The following ANK1 variants were observed in gnomAD, a reference collection of about 807,000 sequenced individuals.
ANK1 encodes ankyrin 1.
Under a neutral mutation model 210.4 loss-of-function variants are expected in ANK1, and 51 were observed. The observed-to-expected ratio is 0.24, with a 90% CI of 0.19 to 0.31. ANK1 has a LOEUF of 0.31. Ranked by LOEUF, ANK1 falls within the 10% of genes least tolerant of loss-of-function variation. The pLI, the probability that ANK1 is intolerant of heterozygous loss-of-function variation, is 1.00. For missense variants in ANK1, 2,051 were observed against 2,504.4 expected (o/e 0.82, Z 3.86); for synonymous variants, 967 against 1,025.9 (o/e 0.94, Z 1.10).
intron 37 of ANK1, among the ~76,000 whole-genome samples, chr8:41,673,571 C>G (rs925893919): frequency 1.3e-5 from 2 of 152,172 alleles, no homozygotes; most frequent in Non-Finnish European, 2.9e-5. Context: ...TAAAGTGCTA[C>G]AGGGGAGGGC....
chr8:41,886,863 T>G (rs574768016), intron 1 of ANK1, among the ~76,000 whole-genome samples: 1 of 152,342 alleles, frequency 6.6e-6, no homozygotes, highest in Non-Finnish European at 1.5e-5. Context: ...TGTCAGGATC[T>G]GATTTGCATT....
At chr8:41,717,767 C>T in intron 11 of ANK1, 65 bp from the exon 12 acceptor site, 2 of 1,336,602 alleles carry the variant, frequency 1.5e-6, no homozygotes, top group Non-Finnish European at 2.1e-6. Context: ...GAAGAGAGAA[C>T]CTGACAGTAT....
intron 1 of ANK1, among the ~76,000 whole-genome samples, chr8:41,894,125 A>G (rs1819976453): frequency 6.6e-6 from 1 of 152,114 alleles, no homozygotes. Context: ...CAAAATACGA[A>G]CAAAGCATCC....
chr8:41,880,249 C>T (rs558246869), intron 1 of ANK1, among the ~76,000 whole-genome samples: 1 of 152,190 alleles, frequency 6.6e-6, no homozygotes. Flanking sequence ...GTTGCTTTCA[C>T]GCTCCGCCGG....
At chr8:41,822,090 G>A (rs5017382) in intron 1 of ANK1, among the ~76,000 whole-genome samples, 46,641 of 94,698 alleles carry the variant, frequency 0.49, 10,046 homozygotes, top group South Asian at 0.54. Context: ...GAGAGAGAGA[G>A]AGAGAGAGAG....
Position 41,688,563 on chromosome 8 carries a change from CCTT to C in ANK1, c.4128_4130del (p.Arg1377del), listed in dbSNP as rs754402067. The C allele has an allele frequency of 3.5e-5, 57 of 1,614,038 alleles. No individual in the cohort carries two copies. The highest frequency in any genetic ancestry group is 1.6e-4 in the Middle Eastern group (1 of 6,084). On this transcript the variant is annotated inframe_deletion, in exon 34 of 43. Transcript: ENST00000289734. ...ATCGCAGGGCCAGGGGCGTCGGGGT[CCTT>C]CTCCTATCTTCGGCTCCACTTCCCT... is the stretch of plus-strand genomic sequence containing the variant.
chr8:41,835,959 G>A (rs1176593636), intron 1 of ANK1, among the ~76,000 whole-genome samples: 3 of 152,224 alleles, frequency 2.0e-5, no homozygotes, highest in Non-Finnish European at 4.4e-5. Flanking sequence ...GGAGGGGAGA[G>A]GGCAGGGGGA....
At chr8:41,723,057 T>G (rs1563564315) in intron 9 of ANK1, 68 bp downstream of exon 9, 1 of 1,387,132 alleles carries the variant, frequency 7.2e-7, no homozygotes, top group Admixed American at 1.7e-5. Flanking sequence ...GAAATAGGAT[T>G]TGATGCCAGG....
intron 22 of ANK1, among the ~76,000 whole-genome samples, chr8:41,700,250 G>T (rs1261774008): frequency 6.6e-6 from 1 of 152,246 alleles, no homozygotes; most frequent in African/African-American, 2.4e-5. Context: ...CAGGCAGGAG[G>T]TGCCCGCCAG....
intron 1 of ANK1, among the ~76,000 whole-genome samples, chr8:41,783,531 C>A (rs556037696): frequency 2.6e-5 from 4 of 152,216 alleles, no homozygotes; most frequent in South Asian, 4.2e-4. Flanking sequence ...GCAGAAAGAC[C>A]CTTTTCCTCA....
rs189702480 is a variant in ANK1 at position 41,770,355 on chromosome 8, T to C, written c.28-12218A>G. Among the ~76,000 whole-genome samples, 21 of 152,350 alleles carry C rather than the reference T, an allele frequency of 1.4e-4. No homozygotes were observed. The East Asian group carries it at 3.3e-3, about 24-fold the overall frequency. On this transcript the variant is annotated intron_variant, in intron 1 of 42. Transcript: ENST00000289734. Reference sequence around the variant, plus strand: ...TTAAGTTGGAATGTTTGTTTTCTTATTGAGTTTTGAGAGTTCTATCTATAC... The same window carrying C: ...TTAAGTTGGAATGTTTGTTTTCTTACTGAGTTTTGAGAGTTCTATCTATAC...
chr8:41,737,360 A>C (rs1419327051), intron 2 of ANK1, among the ~76,000 whole-genome samples: 3 of 152,230 alleles, frequency 2.0e-5, no homozygotes, highest in African/African-American at 7.2e-5. Flanking sequence ...TGATGAAAGC[A>C]TATCTTCCCT....
intron 1 of ANK1, among the ~76,000 whole-genome samples, chr8:41,827,861 A>G (rs1805735295): frequency 7.0e-6 from 1 of 142,684 alleles, no homozygotes; most frequent in South Asian, 2.3e-4. Context: ...ACATACACCC[A>G]CTCACACACC....
intron 2 of ANK1, among the ~76,000 whole-genome samples, chr8:41,736,327 C>T (rs1477980799): frequency 1.3e-5 from 2 of 152,252 alleles, no homozygotes; most frequent in East Asian, 3.8e-4. Context: ...TCTTGCAACT[C>T]TTTTCTGGAT....
intron 12 of ANK1, 91 bp downstream of exon 12, chr8:41,717,513 T>A (rs977368041): frequency 8.3e-7 from 1 of 1,198,990 alleles, no homozygotes; most frequent in African/African-American, 1.5e-5. Context: ...CGTAGCTCTG[T>A]CCCCAGAGAG....
intron 1 of ANK1, among the ~76,000 whole-genome samples, chr8:41,868,550 T>C (rs566112719): frequency 6.6e-6 from 1 of 152,368 alleles, no homozygotes; most frequent in East Asian, 1.9e-4. Flanking sequence ...GTTCACGGCA[T>C]TTATTCTCAT....
chr8:41,858,456 C>G (rs942665584), intron 1 of ANK1, among the ~76,000 whole-genome samples: 1 of 152,192 alleles, frequency 6.6e-6, no homozygotes, highest in Admixed American at 6.5e-5. Flanking sequence ...ATGGGAAACA[C>G]TGGGGGAGGC....
intron 1 of ANK1, among the ~76,000 whole-genome samples, chr8:41,881,237 G>A (rs1021004393): frequency 2.0e-5 from 3 of 152,208 alleles, no homozygotes; most frequent in African/African-American, 7.2e-5. Context: ...TGTTCTACAT[G>A]TGAGAAAACA....
intron 14 of ANK1, among the ~76,000 whole-genome samples, 161 bp from the exon 15 acceptor site, chr8:41,715,235 A>T (rs988645607): frequency 6.6e-6 from 1 of 152,194 alleles, no homozygotes; most frequent in Non-Finnish European, 1.5e-5. Flanking sequence ...AGACCTCAGG[A>T]CTTGGCAGGC....
Sources: allele counts gnomAD v4.1 joint callset (sites outside exome capture counted in the v4.1 genomes callset), GRCh38; gene constraint gnomAD v4.1.1; transcripts MANE v1.5; gene names NCBI Gene and HGNC (gene_info 2026-07-23, HGNC 2026-07-21).